M1AP: variants seen among roughly 807,000 people sequenced by gnomAD.
M1AP encodes the protein meiosis 1 associated protein.
M1AP carries 39 observed loss-of-function variants against 51.2 expected under a neutral mutation model. The observed-to-expected ratio is 0.76, with a 90% confidence interval of 0.59 to 1.00. The LOEUF (loss-of-function observed/expected upper bound fraction) is 1.00, where lower values mean the gene tolerates loss of function less well. Ranked by LOEUF, M1AP falls within the 50% of genes least tolerant of loss-of-function variation. The pLI, the probability that M1AP is intolerant of heterozygous loss-of-function variation, is 0.00. For missense variants in M1AP, 545 were observed against 641.2 expected, an observed-to-expected ratio of 0.85 and a Z score of 1.62; for synonymous variants, 251 against 249.2, an observed-to-expected ratio of 1.01 and a Z score of -0.07.
intron 4 of M1AP, among the ~76,000 whole-genome samples, chr2:74,589,982 T>C (rs1161336892): frequency 1.3e-5 from 2 of 152,200 alleles, no homozygotes; most frequent in Non-Finnish European, 2.9e-5. Flanking sequence ...AATCTTATAA[T>C]GTTTTAAGAA....
chr2:74,605,908 A>AC (rs1680960553), intron 4 of M1AP, among the ~76,000 whole-genome samples: 1 of 152,222 alleles, frequency 6.6e-6, no homozygotes, highest in Non-Finnish European at 1.5e-5. Flanking sequence ...CTCAAAAAAA[A>AC]AAAAAAAATT....
intron 2 of M1AP, among the ~76,000 whole-genome samples, chr2:74,638,760 A>G (rs1189247984): frequency 6.6e-6 from 1 of 152,220 alleles, no homozygotes; most frequent in African/African-American, 2.4e-5. Flanking sequence ...CATCTTGGCT[A>G]CAATCTCATG....
At chr2:74,612,180 T>C (rs10184588) in intron 3 of M1AP, among the ~76,000 whole-genome samples, 14,464 of 151,762 alleles carry the variant, frequency 0.095, 2,000 homozygotes, top group African/African-American at 0.31. Flanking sequence ...TGTGAGCCAC[T>C]GCGCCCGGCC....
At chr2:74,620,184 A>G (rs1303008556) in intron 2 of M1AP, among the ~76,000 whole-genome samples, 1 of 152,244 alleles carries the variant, frequency 6.6e-6, no homozygotes, top group Admixed American at 6.5e-5. Context: ...TTAAATGAGA[A>G]TGAACCCTCC....
At chr2:74,564,172 A>C (rs1332378132) in intron 7 of M1AP, among the ~76,000 whole-genome samples, 2 of 152,356 alleles carry the variant, frequency 1.3e-5, no homozygotes, top group East Asian at 3.9e-4. Context: ...ACAAATAGAA[A>C]GTGACACAGT....
intron 2 of M1AP, among the ~76,000 whole-genome samples, chr2:74,621,134 T>C (rs1383952996): frequency 1.3e-5 from 2 of 150,024 alleles, no homozygotes; most frequent in East Asian, 4.0e-4. Context: ...AAAAAAAAAT[T>C]AGCCAGGCGT....
chr2:74,601,186 A>C (rs944669129), intron 4 of M1AP, among the ~76,000 whole-genome samples: 2 of 152,318 alleles, frequency 1.3e-5, no homozygotes, highest in African/African-American at 4.8e-5. Flanking sequence ...ACATAGTTCT[A>C]GACTAAAATG....
At chr2:74,601,106 A>T (rs151144551) in intron 4 of M1AP, among the ~76,000 whole-genome samples, 2 of 152,136 alleles carry the variant, frequency 1.3e-5, no homozygotes, top group Non-Finnish European at 2.9e-5. Flanking sequence ...AAAACAAGCT[A>T]TTTTATAAAG....
At chr2:74,568,516 A>C (rs1172882768) in intron 7 of M1AP, among the ~76,000 whole-genome samples, 1 of 152,214 alleles carries the variant, frequency 6.6e-6, no homozygotes, top group Middle Eastern at 3.2e-3. Context: ...GGAGAAGCTG[A>C]GAATCCAAGA....
At chr2:74,603,695 A>G (rs889690809) in intron 4 of M1AP, among the ~76,000 whole-genome samples, 2 of 152,190 alleles carry the variant, frequency 1.3e-5, no homozygotes, top group Admixed American at 1.3e-4. Context: ...ACACAGTGAG[A>G]GCTCACAAAT....
At chr2:74,619,569 A>G (rs760922377) in intron 2 of M1AP, among the ~76,000 whole-genome samples, 2 of 152,232 alleles carry the variant, frequency 1.3e-5, no homozygotes, top group East Asian at 3.8e-4. Context: ...TTATCTATAC[A>G]AAGTTGAAAT....
At chr2:74,643,783 A>G (rs1172382558) in intron 1 of M1AP, among the ~76,000 whole-genome samples, 1 of 151,896 alleles carries the variant, frequency 6.6e-6, no homozygotes. Flanking sequence ...TTTGGTAGAG[A>G]CAGGGTTTTG....
chr2:74,596,236 T>C (rs1013211237), intron 4 of M1AP, among the ~76,000 whole-genome samples: 2 of 152,004 alleles, frequency 1.3e-5, no homozygotes, highest in African/African-American at 4.8e-5. Flanking sequence ...AGACTTTAAG[T>C]ATAAAGACAT....
At chr2:74,607,273 G>T in intron 3 of M1AP, 50 bp from the exon 4 acceptor site, 1 of 1,576,418 alleles carries the variant, frequency 6.3e-7, no homozygotes, top group Non-Finnish European at 8.7e-7. Context: ...GATGTACAGA[G>T]TGAGGAACAT....
chr2:74,596,539 G>A (rs1030983420), intron 4 of M1AP, among the ~76,000 whole-genome samples: 5 of 152,006 alleles, frequency 3.3e-5, no homozygotes, highest in Non-Finnish European at 5.9e-5. Context: ...CCGAGATCAC[G>A]CCACTGCACT....
rs545438159 is a variant in M1AP, at chr2:74,599,951, G to A, written c.595+7104C>T. 4.3e-4 allele frequency among the ~76,000 whole-genome samples: 66 copies of A among 151,876 alleles called. 1 individual carries two copies. The highest frequency in any genetic ancestry group is 4.1e-3 in the Admixed American group (62 of 15,218). The stretch of plus-strand genomic sequence containing the variant: ...GCTCAGGAGATACTTCCTCCTCAGC[G>A]TGCCTAAACTTTTTTGGTAGAGAGA... On this transcript the variant is annotated intron_variant, in intron 4 of 10. Transcript: ENST00000421985.
At chr2:74,588,012 A>C (rs1679815842) in intron 4 of M1AP, among the ~76,000 whole-genome samples, 1 of 152,204 alleles carries the variant, frequency 6.6e-6, no homozygotes, top group Admixed American at 6.5e-5. Context: ...GTGCATATAC[A>C]ATGTCTGTAT....
At chr2:74,627,732 A>C (rs1457966176) in intron 2 of M1AP, among the ~76,000 whole-genome samples, 1 of 152,272 alleles carries the variant, frequency 6.6e-6, no homozygotes, top group African/African-American at 2.4e-5. Flanking sequence ...CTTGCAAATA[A>C]AAATAACATT....
chr2:74,609,655 T>C (rs1573139569), intron 3 of M1AP, among the ~76,000 whole-genome samples: 1 of 152,242 alleles, frequency 6.6e-6, no homozygotes, highest in South Asian at 2.1e-4. Flanking sequence ...ATAGTGGCTG[T>C]ACTAATTTGC....
Sources: gnomAD v4.1 joint callset for allele counts (sites outside exome capture counted in the v4.1 genomes callset) on GRCh38, gnomAD v4.1.1 for gene constraint, MANE v1.5 for transcripts, NCBI Gene and HGNC (gene_info 2026-07-23, HGNC 2026-07-21) for gene names.